TENM3: variants seen among roughly 807,000 people sequenced by gnomAD.
TENM3 encodes teneurin transmembrane protein 3.
TENM3 carries 63 observed loss-of-function variants against 255.1 expected under a neutral mutation model. The observed-to-expected ratio is 0.25, with a 90% CI of 0.20 to 0.30. TENM3 has a LOEUF of 0.30. TENM3 is among the 10% of genes least tolerant of loss of function. The pLI is 1.00. For missense variants in TENM3, 2,929 were observed against 3,461.1 expected, an observed-to-expected ratio of 0.85 and a Z score of 3.86; for synonymous variants, 1,306 against 1,322.3, an observed-to-expected ratio of 0.99 and a Z score of 0.27.
chr4:182,105,917 T>G, the TENM3 span, among the ~76,000 whole-genome samples: 129 of 152,362 alleles, frequency 8.5e-4, 1 homozygote, highest in African/African-American at 2.9e-3. Context: ...CTAACTGCCC[T>G]GGCTTCACCA....
chr4:182,176,115 G>A (rs1752473130), intron 1 of TENM3, among the ~76,000 whole-genome samples: 1 of 151,134 alleles, frequency 6.6e-6, no homozygotes, highest in South Asian at 2.1e-4. Context: ...ATTCTTTAAG[G>A]TCACATACTG....
At chr4:181,967,004 T>TCA in the TENM3 span, among the ~76,000 whole-genome samples, 7 of 151,596 alleles carry the variant, frequency 4.6e-5, no homozygotes, top group East Asian at 1.9e-4. Flanking sequence ...TCTCTCTCTC[T>TCA]CGCTCTCTCT....
chr4:182,048,455 G>T, the TENM3 span, among the ~76,000 whole-genome samples: 5 of 151,934 alleles, frequency 3.3e-5, no homozygotes, highest in Non-Finnish European at 7.4e-5. Context: ...GCTCTTTGTT[G>T]ATTTATAACA....
At chr4:182,163,958 G>C (rs1239117107) in intron 1 of TENM3, among the ~76,000 whole-genome samples, 1 of 152,186 alleles carries the variant, frequency 6.6e-6, no homozygotes, top group African/African-American at 2.4e-5. Flanking sequence ...TGGCTTCAGT[G>C]TTCACTCATA....
chr4:181,761,990 C>T, the TENM3 span, among the ~76,000 whole-genome samples: 1 of 152,166 alleles, frequency 6.6e-6, no homozygotes, highest in Non-Finnish European at 1.5e-5. Context: ...GTAGTGGCCA[C>T]TTTGTTGGTC....
At chr4:181,583,922 A>G in the TENM3 span, among the ~76,000 whole-genome samples, 1 of 152,222 alleles carries the variant, frequency 6.6e-6, no homozygotes, top group African/African-American at 2.4e-5. Flanking sequence ...CTTCTTAGCT[A>G]GATCAATTTC....
the TENM3 span, among the ~76,000 whole-genome samples, chr4:181,865,192 C>T: frequency 1.3e-5 from 2 of 152,168 alleles, no homozygotes; most frequent in African/African-American, 4.8e-5. Flanking sequence ...ATTGCCAATA[C>T]GCTGTTTGGA....
the TENM3 span, among the ~76,000 whole-genome samples, chr4:182,030,808 C>T: frequency 5.9e-5 from 9 of 152,012 alleles, no homozygotes; most frequent in South Asian, 6.2e-4. Flanking sequence ...TGATCAGTGA[C>T]GTTGAGCGTT....
intron 1 of TENM3, among the ~76,000 whole-genome samples, chr4:182,246,627 CG>C (rs946796850): frequency 3.9e-5 from 6 of 152,296 alleles, no homozygotes; most frequent in African/African-American, 1.2e-4. Flanking sequence ...GACAAAGACA[CG>C]GTTTTATTGA....
intron 1 of TENM3, among the ~76,000 whole-genome samples, chr4:182,304,170 T>C (rs777085263): frequency 6.6e-6 from 1 of 151,952 alleles, no homozygotes; most frequent in Non-Finnish European, 1.5e-5. Context: ...TAGTAGCAAG[T>C]AGGAGATGCC....
the TENM3 span, among the ~76,000 whole-genome samples, chr4:181,696,434 A>G: frequency 2.0e-5 from 3 of 152,302 alleles, no homozygotes; most frequent in South Asian, 6.2e-4. Context: ...ATACATGAAA[A>G]TTGTATTAGG....
At chr4:181,984,312 G>T in the TENM3 span, among the ~76,000 whole-genome samples, 6 of 152,052 alleles carry the variant, frequency 3.9e-5, no homozygotes, top group African/African-American at 1.2e-4. Flanking sequence ...AGCATATATT[G>T]TATCTGCATG....
At chr4:181,689,522 C>T in the TENM3 span, among the ~76,000 whole-genome samples, 2 of 152,058 alleles carry the variant, frequency 1.3e-5, no homozygotes, top group Non-Finnish European at 2.9e-5. Context: ...CCCCTATGTC[C>T]GGGGTACAAT....
the TENM3 span, among the ~76,000 whole-genome samples, chr4:181,514,699 T>C: frequency 6.6e-6 from 1 of 152,064 alleles, no homozygotes; most frequent in East Asian, 1.9e-4. Context: ...TATAGCAAAG[T>C]CTAAGAAAAA....
chr4:182,138,075 G>T, the TENM3 span, among the ~76,000 whole-genome samples: 52,650 of 152,106 alleles, frequency 0.35, 9,498 homozygotes, highest in Non-Finnish European at 0.41. Context: ...AAGTGCACTT[G>T]CAAATGGTGT....
the TENM3 span, among the ~76,000 whole-genome samples, chr4:181,489,398 G>T: frequency 6.6e-6 from 1 of 152,166 alleles, no homozygotes; most frequent in Non-Finnish European, 1.5e-5. Flanking sequence ...GTGTGTGTGT[G>T]CATGGGTGTG....
the TENM3 span, among the ~76,000 whole-genome samples, chr4:181,799,653 A>T: frequency 6.6e-6 from 1 of 152,364 alleles, no homozygotes; most frequent in East Asian, 1.9e-4. Context: ...AAAACTGCAA[A>T]GGAACAGAAA....
intron 7 of TENM3, among the ~76,000 whole-genome samples, chr4:182,679,015 G>A (rs184095458): frequency 4.9e-4 from 74 of 152,252 alleles, no homozygotes; most frequent in Admixed American, 1.1e-3. Context: ...GAACAGTGAG[G>A]ACACATGGAC....
intron 6 of TENM3, among the ~76,000 whole-genome samples, chr4:182,666,055 A>G (rs1370504751): frequency 6.6e-6 from 1 of 152,178 alleles, no homozygotes; most frequent in Non-Finnish European, 1.5e-5. Context: ...TCAATGGCGG[A>G]AGTAACTGCA....
Sources: gnomAD v4.1 joint callset for allele counts (sites outside exome capture counted in the v4.1 genomes callset) on GRCh38, gnomAD v4.1.1 for gene constraint, MANE v1.5 for transcripts, NCBI Gene and HGNC (gene_info 2026-07-23, HGNC 2026-07-21) for gene names.